The following UNC13B variants were observed in gnomAD, a reference collection of about 807,000 sequenced individuals.
UNC13B encodes protein unc-13 homolog B.
Under a neutral mutation model 211.0 loss-of-function variants are expected in UNC13B, and 144 were observed. That is an observed-to-expected ratio of 0.68 (90% CI 0.60 to 0.78). The LOEUF (loss-of-function observed/expected upper bound fraction) is 0.78. Ranked by LOEUF, UNC13B falls within the 30% of genes least tolerant of loss-of-function variation. The probability of loss-of-function intolerance (pLI) is 0.00; values close to 1 mark genes in which losing one functional copy is unlikely to be tolerated. For missense variants in UNC13B, 1,777 were observed against 2,002.0 expected (o/e 0.89, Z 2.14); for synonymous variants, 709 against 725.8 (o/e 0.98, Z 0.37).
intron 35 of UNC13B, 54 bp from the exon 36 acceptor site, chr9:35,399,595 A>C: frequency 6.2e-7 from 1 of 1,609,562 alleles, no homozygotes; most frequent in South Asian, 1.1e-5. Context: ...AGGTGGGTGC[A>C]AGACTTTCAT....
chr9:35,185,994 C>T (rs72722998), intron 1 of UNC13B, among the ~76,000 whole-genome samples: 28,203 of 151,494 alleles, frequency 0.19, 2,924 homozygotes, highest in Non-Finnish European at 0.24. Context: ...GAATGGACCT[C>T]CCCCCTTGGC....
chr9:35,352,820 T>C, intron 11 of UNC13B: 2 of 1,232,174 alleles, frequency 1.6e-6, no homozygotes, highest in Non-Finnish European at 2.0e-6. Flanking sequence ...TGCCCTAGTA[T>C]TAATCTCAAA....
intron 7 of UNC13B, among the ~76,000 whole-genome samples, chr9:35,286,515 C>G (rs899719054): frequency 6.6e-6 from 1 of 151,800 alleles, no homozygotes; most frequent in African/African-American, 2.4e-5. Context: ...AATTTTAGCC[C>G]CATTCCCTTT....
intron 1 of UNC13B, among the ~76,000 whole-genome samples, chr9:35,201,793 G>C (rs202211368): frequency 6.6e-6 from 1 of 151,998 alleles, no homozygotes; most frequent in African/African-American, 2.4e-5. Context: ...CCAGCTCCTG[G>C]ATTCATTGAT....
intron 1 of UNC13B, among the ~76,000 whole-genome samples, chr9:35,227,134 AGACTTT>A (rs1347542867): frequency 6.6e-6 from 1 of 152,236 alleles, no homozygotes; most frequent in Non-Finnish European, 1.5e-5. Context: ...AGTGAGAGAC[AGACTTT>A]GTTTCAATAA....
chr9:35,234,514 C>G (rs1825384787), intron 3 of UNC13B, among the ~76,000 whole-genome samples: 1 of 152,148 alleles, frequency 6.6e-6, no homozygotes, highest in African/African-American at 2.4e-5. Context: ...GTTAATTAGG[C>G]TGAATTAAAT....
chr9:35,252,847 G>T (rs962498918), intron 6 of UNC13B, among the ~76,000 whole-genome samples: 1 of 151,820 alleles, frequency 6.6e-6, no homozygotes, highest in Non-Finnish European at 1.5e-5. Context: ...GGAGATTGGC[G>T]TGAACCCAGG....
chr9:35,255,621 T>A, intron 6 of UNC13B, among the ~76,000 whole-genome samples: 1 of 152,134 alleles, frequency 6.6e-6, no homozygotes, highest in East Asian at 1.9e-4. Flanking sequence ...GAGTTTTTCT[T>A]GCTATCTTCT....
chr9:35,323,964 G>A (rs1223110892), intron 11 of UNC13B, among the ~76,000 whole-genome samples: 1 of 152,042 alleles, frequency 6.6e-6, no homozygotes, highest in African/African-American at 2.4e-5. Context: ...TATCATTATA[G>A]TAACCACATT....
chr9:35,192,369 T>C (rs11531752), intron 1 of UNC13B, among the ~76,000 whole-genome samples: 11,280 of 152,272 alleles, frequency 0.074, 631 homozygotes, highest in East Asian at 0.3. Context: ...AGGAGACATA[T>C]TGTACATTTC....
intron 3 of UNC13B, among the ~76,000 whole-genome samples, chr9:35,231,976 A>G (rs1825226520): frequency 6.6e-6 from 1 of 151,816 alleles, no homozygotes; most frequent in Non-Finnish European, 1.5e-5. Context: ...CCTTTCTCAG[A>G]AGATTATGCT....
At chr9:35,338,383 A>G (rs1214497255) in intron 11 of UNC13B, among the ~76,000 whole-genome samples, 1 of 152,094 alleles carries the variant, frequency 6.6e-6, no homozygotes, top group African/African-American at 2.4e-5. Flanking sequence ...TTAGGTAACA[A>G]AGCAGCTATG....
chr9:35,306,280 G>T lies in UNC13B; in HGVS notation c.6876G>T (p.Glu2292Asp). The T allele has an allele frequency of 2.5e-6, 1 of 399,038 alleles. No individual in the cohort carries two copies. The highest frequency in any genetic ancestry group is 4.4e-5 in the Admixed American group (1 of 22,726). 24.7% of individuals were successfully genotyped at this position (399,038 alleles called of 1,614,324 possible). A position where few individuals can be genotyped will look rare whatever the true frequency, so the allele number is the denominator to read the frequency against. ...GTATTTCCATTAACAACACCATTGA[G>T]GTTACCTCCCTTGCAGATGAGCTCA... The part of the protein sequence containing the change: ...APCISINNTI[E>D]VTSLADELSV... The change falls in exon 9 of 40, where the codon GAG becomes GAT. Residue 2292 changes from glutamate to aspartate, a missense_variant. Transcript: ENST00000635942.
intron 1 of UNC13B, among the ~76,000 whole-genome samples, chr9:35,197,499 C>T (rs1481171994): frequency 1.3e-5 from 2 of 152,196 alleles, no homozygotes; most frequent in Non-Finnish European, 2.9e-5. Flanking sequence ...AGAGCCACTA[C>T]ACCCAGCCAT....
At chr9:35,238,958 A>G (rs1469655691) in intron 5 of UNC13B, among the ~76,000 whole-genome samples, 1 of 147,286 alleles carries the variant, frequency 6.8e-6, no homozygotes, top group East Asian at 2.0e-4. Flanking sequence ...AACTCTGTAT[A>G]TCTTTGCCCA....
chr9:35,397,027 G>A, intron 28 of UNC13B, 90 bp downstream of exon 28: 1 of 1,601,184 alleles, frequency 6.2e-7, no homozygotes, highest in Non-Finnish European at 8.6e-7. Context: ...GGCCAGGATG[G>A]CTATGCCTGC....
At chr9:35,321,772 A>G (rs1377128557) in intron 11 of UNC13B, among the ~76,000 whole-genome samples, 1 of 152,062 alleles carries the variant, frequency 6.6e-6, no homozygotes, top group Non-Finnish European at 1.5e-5. Flanking sequence ...CAATGCCATG[A>G]TTACTGGTAT....
At chr9:35,270,175 G>A (rs1238908896) in intron 7 of UNC13B, among the ~76,000 whole-genome samples, 1 of 152,004 alleles carries the variant, frequency 6.6e-6, no homozygotes, top group Non-Finnish European at 1.5e-5. Flanking sequence ...CAAGATCTTG[G>A]CACTAGTTTT....
chr9:35,325,488 C>A (rs918761817), intron 11 of UNC13B, among the ~76,000 whole-genome samples: 1 of 152,204 alleles, frequency 6.6e-6, no homozygotes, highest in African/African-American at 2.4e-5. Flanking sequence ...ACTCTTGCAG[C>A]CTTCTCATTC....
Sources: allele counts gnomAD v4.1 joint callset (sites outside exome capture counted in the v4.1 genomes callset), GRCh38; gene constraint gnomAD v4.1.1; transcripts MANE v1.5; gene names NCBI Gene and HGNC (gene_info 2026-07-23, HGNC 2026-07-21).